CHD6: variants seen among roughly 807,000 people sequenced by gnomAD.
CHD6 encodes ATP-dependent chromatin remodeler CHD6.
CHD6 carries 50 observed loss-of-function variants against 276.9 expected under a neutral mutation model. The ratio of observed to expected loss-of-function variants is 0.18; its 90% CI spans 0.14 to 0.23. The LOEUF (loss-of-function observed/expected upper bound fraction) is 0.23. Ranked by LOEUF, CHD6 falls within the 10% of genes least tolerant of loss-of-function variation. The probability of loss-of-function intolerance (pLI) is 1.00; values close to 1 mark genes in which losing one functional copy is unlikely to be tolerated. For synonymous variants in CHD6, 1,173 were observed against 1,229.3 expected (o/e 0.95, Z 0.96); for missense variants, 2,564 against 3,365.8 (o/e 0.76, Z 5.89).
intron 20 of CHD6, among the ~76,000 whole-genome samples, chr20:41,453,909 G>A (rs2048315210): frequency 1.3e-5 from 2 of 152,142 alleles, no homozygotes; most frequent in African/African-American, 4.8e-5. Context: ...CTACAAGCAG[G>A]GACTGTCTCC....
At position 41,403,528 on chromosome 20, in the gene CHD6, G is replaced by T; in HGVS notation, c.*1065C>A. On this transcript the variant is annotated 3_prime_UTR_variant, in exon 37 of 37. Transcript: ENST00000373233. ...TAAACAGAATGGAGAAATTAATGGA[G>T]AAGTAACTTTTCATAGCTGTATTAT... 9.4e-7 allele frequency: 1 copy of T among 1,063,090 alleles called. No individual in the cohort carries two copies. The highest frequency in any genetic ancestry group is 1.1e-6 in the Non-Finnish European group (1 of 877,880). The allele number at this position is 1,063,090 out of a possible 1,614,324, so 65.9% of individuals were successfully genotyped here. A position where few individuals can be genotyped will look rare whatever the true frequency, so the allele number is the denominator to read the frequency against.
At chr20:41,430,678 G>A (rs563273136) in intron 27 of CHD6, among the ~76,000 whole-genome samples, 1 of 152,236 alleles carries the variant, frequency 6.6e-6, no homozygotes, top group South Asian at 2.1e-4. Flanking sequence ...GACAGGGTGA[G>A]GTGAGGATCA....
chr20:41,423,796 C>A, intron 29 of CHD6, 96 bp from the exon 30 acceptor site: 2 of 952,122 alleles, frequency 2.1e-6, no homozygotes, highest in Admixed American at 2.2e-5. Context: ...CCCATAAAGT[C>A]AAGAAAGGAG....
chr20:41,451,867 G>T lies in CHD6; in HGVS notation c.3482C>A (p.Pro1161His). 6.2e-7 allele frequency: 1 copy of T among 1,614,148 alleles called. No individual in the cohort carries two copies. The highest frequency in any genetic ancestry group is 1.1e-5 in the South Asian group (1 of 91,080). ...IKSFIWELIT[P>H]TKDGQAQTLQ... is the part of the protein sequence containing the mutation. The stretch of plus-strand genomic sequence containing the variant: ...GGTCTGGGCTTGCCCATCTTTGGTA[G>T]GTGTGATCAGTTCCCAAATGAAACT... Residue 1161 changes from proline to histidine, a missense_variant, in exon 22 of 37, where the codon CCT becomes CAT. Transcript: ENST00000373233.
chr20:41,446,054 G>A lies in CHD6; in HGVS notation c.3774-286C>T, dbSNP rs140271100. On this transcript the variant is annotated intron_variant, in intron 24 of 36. Transcript: ENST00000373233. ...TCAGTTGGTCCAGGGTGGCATCTTG[G>A]GATCCATATGTATAGAGTTCTAATG... Among the ~76,000 whole-genome samples the A allele has an allele frequency of 3.7e-3, 557 of 152,248 alleles. 4 individuals are homozygous for A. The highest frequency in any genetic ancestry group is 0.012 in the African/African-American group (513 of 41,548).
In CHD6 at chr20:41,403,334, C is replaced by T; in HGVS notation, c.*1259G>A. ...AACTACCTGTGAAGAGTGAGACCAT[C>T]AGAAGGGACGTTAACATGAAGGTGA... is the stretch of plus-strand genomic sequence containing the variant. On this transcript the variant is annotated 3_prime_UTR_variant, in exon 37 of 37. Transcript: ENST00000373233. 1 of 1,063,218 alleles carries T rather than the reference C, an allele frequency of 9.4e-7. No individual in the cohort carries two copies. The highest frequency in any genetic ancestry group is 1.1e-6 in the Non-Finnish European group (1 of 877,726). The allele number at this position is 1,063,218 out of a possible 1,614,324, so 65.9% of individuals were successfully genotyped here.
chr20:41,511,499 T>C (rs1050738499), intron 5 of CHD6, among the ~76,000 whole-genome samples: 6 of 152,224 alleles, frequency 3.9e-5, no homozygotes, highest in African/African-American at 1.4e-4. Context: ...TCCTTGACAC[T>C]GCTGTCAATG....
chr20:41,559,280 C>A (rs1342948983), intron 1 of CHD6, among the ~76,000 whole-genome samples: 1 of 152,114 alleles, frequency 6.6e-6, no homozygotes, highest in African/African-American at 2.4e-5. Flanking sequence ...AGAATCATTT[C>A]TTCTCCCTAA....
intron 1 of CHD6, among the ~76,000 whole-genome samples, chr20:41,584,808 G>A (rs571848144): frequency 6.6e-6 from 1 of 152,170 alleles, no homozygotes; most frequent in South Asian, 2.1e-4. Context: ...CTTAAACAGT[G>A]CTTAGACAAA....
intron 3 of CHD6, among the ~76,000 whole-genome samples, chr20:41,527,340 G>C (rs1308554009): frequency 6.6e-6 from 1 of 152,086 alleles, no homozygotes; most frequent in Non-Finnish European, 1.5e-5. Flanking sequence ...AGAACTGCTT[G>C]AACCCGGGAG....
At chr20:41,574,441 C>A (rs1050303019) in intron 1 of CHD6, among the ~76,000 whole-genome samples, 2 of 152,160 alleles carry the variant, frequency 1.3e-5, no homozygotes, top group African/African-American at 4.8e-5. Flanking sequence ...CATACATTTT[C>A]TGCTCTCTCC....
chr20:41,616,189 C>T (rs1300560793), intron 1 of CHD6, among the ~76,000 whole-genome samples: 1 of 152,146 alleles, frequency 6.6e-6, no homozygotes, highest in African/African-American at 2.4e-5. Flanking sequence ...TTTGCCTTAA[C>T]TAATACACTG....
intron 1 of CHD6, among the ~76,000 whole-genome samples, chr20:41,581,447 T>C (rs1208038986): frequency 6.6e-6 from 1 of 152,018 alleles, no homozygotes; most frequent in African/African-American, 2.4e-5. Context: ...GATGCCGAGG[T>C]AGGCGGTTCA....
rs2048399154 is a variant in CHD6 at position 41,457,117 on chromosome 20, C to T, written c.2829+147G>A. ...CACAGACACCTGACTCTTAACGATGCCCTGTTGTAGGGAATTACCCAATAA... is the reference window on the plus strand; with the variant it reads ...CACAGACACCTGACTCTTAACGATGTCCTGTTGTAGGGAATTACCCAATAA... On this transcript the variant is annotated intron_variant, in intron 18 of 36. Transcript: ENST00000373233. 3 of 861,878 alleles carry T rather than the reference C, an allele frequency of 3.5e-6. No homozygotes were observed. The African/African-American group carries it at 5.1e-5, about 15-fold the overall frequency. 53.4% of individuals were successfully genotyped at this position (861,878 alleles called of 1,614,324 possible). A position where few individuals can be genotyped will look rare whatever the true frequency, so the allele number is the denominator to read the frequency against.
chr20:41,420,462 T>C (rs779005195), intron 31 of CHD6, 46 bp downstream of exon 31: 19 of 1,549,892 alleles, frequency 1.2e-5, no homozygotes, highest in South Asian at 1.2e-5. Flanking sequence ...CCCCGTCGTG[T>C]GTGAACTAGT....
At chr20:41,529,574 T>G (rs898648228) in intron 3 of CHD6, among the ~76,000 whole-genome samples, 1 of 152,094 alleles carries the variant, frequency 6.6e-6, no homozygotes, top group Non-Finnish European at 1.5e-5. Context: ...GAACTGAGAC[T>G]TGCACTCAGA....
chr20:41,581,325 C>T (rs181053918), intron 1 of CHD6, among the ~76,000 whole-genome samples: 8 of 152,232 alleles, frequency 5.3e-5, no homozygotes, highest in Non-Finnish European at 2.9e-5. Flanking sequence ...TCCAGGCAGT[C>T]TGGTTGCTGA....
intron 23 of CHD6, among the ~76,000 whole-genome samples, chr20:41,450,314 G>C (rs2048197562): frequency 6.6e-6 from 1 of 152,138 alleles, no homozygotes; most frequent in African/African-American, 2.4e-5. Context: ...GCATGACCTT[G>C]ACATGAATTA....
chr20:41,554,998 C>T (rs1184144499), intron 1 of CHD6, among the ~76,000 whole-genome samples: 1 of 150,586 alleles, frequency 6.6e-6, no homozygotes, highest in East Asian at 2.0e-4. Flanking sequence ...GGGCGGCTGG[C>T]CGGGCGGGGG....
Sources: allele counts gnomAD v4.1 joint callset (sites outside exome capture counted in the v4.1 genomes callset), GRCh38; gene constraint gnomAD v4.1.1; transcripts MANE v1.5; gene names NCBI Gene and HGNC (gene_info 2026-07-23, HGNC 2026-07-21).